AHI1: variants seen among roughly 807,000 people sequenced by gnomAD.
AHI1 encodes Abelson helper integration site 1, also known as jouberin.
Under a neutral mutation model 149.3 loss-of-function variants are expected in AHI1, and 123 were observed. The observed-to-expected ratio is 0.82, with a 90% CI of 0.71 to 0.96. The LOEUF (loss-of-function observed/expected upper bound fraction) is 0.96. AHI1 is among the 40% of genes least tolerant of loss of function. The pLI, the probability that AHI1 is intolerant of heterozygous loss-of-function variation, is 0.00. For synonymous variants in AHI1, 475 were observed against 459.8 expected, an observed-to-expected ratio of 1.03 and a Z score of -0.42; for missense variants, 1,439 against 1,422.7, an observed-to-expected ratio of 1.01 and a Z score of -0.18.
chr6:135,368,380 A>C (rs1400888018), intron 23 of AHI1, among the ~76,000 whole-genome samples: 1 of 152,090 alleles, frequency 6.6e-6, no homozygotes, highest in African/African-American at 2.4e-5. Context: ...GGGAGGGTAC[A>C]AGCTTGCCCT....
rs551561107 is a variant in AHI1 at position 135,289,805 on chromosome 6, TA to T, written c.3588+617del. On this transcript the variant is annotated intron_variant, in intron 28 of 28. Transcript: ENST00000265602. ...TAGTTCCTACAAAATGACAAATTTA[TA>T]AATGTGGACATGAACAGCTTCGTAA... 1.2e-3 allele frequency among the ~76,000 whole-genome samples: 185 copies of T among 152,348 alleles called. 1 individual carries two copies. Among genetic ancestry groups the T allele is most frequent in the African/African-American group, 4.3e-3 (178 of 41,574 alleles).
At position 135,372,021 on chromosome 6, in the gene AHI1, CATA is replaced by C. The variant is rs201621188; in HGVS notation, c.3110-13837_3110-13835del. On this transcript the variant is annotated intron_variant, in intron 23 of 28. Coordinates refer to ENST00000265602, the MANE Select transcript of AHI1 (RefSeq NM_001134831.2). ...TAAGGGCCTAGCAGATCCTATGAAT[CATA>C]ATAACCCTAAAAAGGGTCTATACAC... Among the ~76,000 whole-genome samples, 1,417 of 152,294 alleles carry C rather than the reference CATA, an allele frequency of 9.3e-3. 18 individuals carry two copies. The highest frequency in any genetic ancestry group is 0.032 in the African/African-American group (1,322 of 41,558).
At chr6:135,340,672 T>TATATACACATACATAC (rs1554283255) in intron 24 of AHI1, among the ~76,000 whole-genome samples, 10 of 131,478 alleles carry the variant, frequency 7.6e-5, no homozygotes, top group African/African-American at 2.9e-4. Context: ...TATATATATA[T>TATATACACATACATAC]ATATATATAT....
intron 26 of AHI1, among the ~76,000 whole-genome samples, chr6:135,315,579 C>A (rs968277636): frequency 2.6e-5 from 4 of 152,152 alleles, no homozygotes; most frequent in African/African-American, 9.7e-5. Context: ...TAAACCAAAT[C>A]TGCCTTCTCT....
chr6:135,416,281 A>G (rs1782366492), intron 20 of AHI1, among the ~76,000 whole-genome samples: 1 of 152,106 alleles, frequency 6.6e-6, no homozygotes, highest in South Asian at 2.1e-4. Flanking sequence ...ACCATTAAAG[A>G]AAATTCACAA....
At chr6:135,451,131 G>A (rs1788029714) in intron 11 of AHI1, among the ~76,000 whole-genome samples, 1 of 151,902 alleles carries the variant, frequency 6.6e-6, no homozygotes, top group African/African-American at 2.4e-5. Context: ...CGAGTAGCTG[G>A]GATTACAGGT....
intron 27 of AHI1, among the ~76,000 whole-genome samples, chr6:135,293,514 C>T (rs372206016): frequency 1.2e-4 from 18 of 147,928 alleles, no homozygotes; most frequent in East Asian, 3.9e-4. Flanking sequence ...CAGAATATCT[C>T]GTGGAATCCA....
At chr6:135,351,195 G>A (rs1214155636) in intron 24 of AHI1, among the ~76,000 whole-genome samples, 1 of 151,532 alleles carries the variant, frequency 6.6e-6, no homozygotes, top group African/African-American at 2.4e-5. Context: ...AGCTGTGGGA[G>A]GCAACATTCA....
Position 135,285,610 on chromosome 6 carries a change from T to G in AHI1, c.*35A>C. The G allele has an allele frequency of 6.2e-7, 1 of 1,605,628 alleles. No individual in the cohort carries two copies. Among genetic ancestry groups the G allele is most frequent in the Non-Finnish European group, 8.5e-7 (1 of 1,174,468 alleles). ...ATTTGGTTTGTCATTTTCACCTCTGTGCATTTCGGCAGCTCTTAACTTTTC... is the reference window on the plus strand; with the variant it reads ...ATTTGGTTTGTCATTTTCACCTCTGGGCATTTCGGCAGCTCTTAACTTTTC... On this transcript the variant is annotated 3_prime_UTR_variant, in exon 29 of 29. Transcript: ENST00000265602.
At chr6:135,486,880 A>G (rs2128129783) in intron 5 of AHI1, among the ~76,000 whole-genome samples, 1 of 152,076 alleles carries the variant, frequency 6.6e-6, no homozygotes, top group Non-Finnish European at 1.5e-5. Flanking sequence ...CAATCCTCCC[A>G]CCTCAGCCTC....
At chr6:135,389,579 A>G (rs1447160495) in intron 23 of AHI1, among the ~76,000 whole-genome samples, 1 of 152,230 alleles carries the variant, frequency 6.6e-6, no homozygotes, top group East Asian at 1.9e-4. Flanking sequence ...ATAGTTTTAA[A>G]AAATCATGTC....
At chr6:135,417,584 A>C (rs1299392371) in intron 20 of AHI1, among the ~76,000 whole-genome samples, 1 of 152,044 alleles carries the variant, frequency 6.6e-6, no homozygotes, top group Admixed American at 6.6e-5. Context: ...CGGAAGGATT[A>C]AAATGGCCCA....
rs144038243 is a variant in AHI1, at chr6:135,486,776, T to C, written c.135+3847A>G. Among the ~76,000 whole-genome samples, 438 of 152,240 alleles carry C rather than the reference T, an allele frequency of 2.9e-3. 7 individuals are homozygous for C. Among genetic ancestry groups the C allele is most frequent in the Middle Eastern group, 0.014 (4 of 294 alleles). Reference sequence around the variant, plus strand: ...GATATTTTATTTTATTTATTATTAGTATTATTTTTGAGATAGGATCTCCCT... The same window carrying C: ...GATATTTTATTTTATTTATTATTAGCATTATTTTTGAGATAGGATCTCCCT... On this transcript the variant is annotated intron_variant, in intron 5 of 28. Transcript: ENST00000265602.
intron 23 of AHI1, among the ~76,000 whole-genome samples, chr6:135,364,906 G>T (rs1216631124): frequency 6.6e-6 from 1 of 150,936 alleles, no homozygotes; most frequent in Non-Finnish European, 1.5e-5. Flanking sequence ...GGGAGACCGT[G>T]GGGAGAGGAA....
At chr6:135,322,988 A>AAAGG (rs1253077744) in intron 25 of AHI1, among the ~76,000 whole-genome samples, 174 bp downstream of exon 25, 3 of 152,226 alleles carry the variant, frequency 2.0e-5, no homozygotes, top group Admixed American at 2.0e-4. Flanking sequence ...GCAGCTTCTA[A>AAAGG]TGTACTAGTG....
chr6:135,306,444 A>G (rs908906396), intron 26 of AHI1, among the ~76,000 whole-genome samples: 2 of 152,230 alleles, frequency 1.3e-5, no homozygotes, highest in Middle Eastern at 3.2e-3. Flanking sequence ...GACCAAGTCA[A>G]CTTGGAGTAA....
intron 9 of AHI1, among the ~76,000 whole-genome samples, 189 bp from the exon 10 acceptor site, chr6:135,456,115 A>G (rs936868672): frequency 7.9e-5 from 12 of 152,216 alleles, no homozygotes; most frequent in Admixed American, 7.2e-4. Flanking sequence ...AGTCCATCTT[A>G]TATTTGTCTA....
At chr6:135,300,152 C>G (rs1394695723) in intron 27 of AHI1, among the ~76,000 whole-genome samples, 1 of 151,916 alleles carries the variant, frequency 6.6e-6, no homozygotes, top group Non-Finnish European at 1.5e-5. Flanking sequence ...TGGTGAAACC[C>G]TGTCTCTACT....
chr6:135,309,028 G>A (rs1485671350), intron 26 of AHI1, among the ~76,000 whole-genome samples: 1 of 152,222 alleles, frequency 6.6e-6, no homozygotes, highest in Non-Finnish European at 1.5e-5. Flanking sequence ...GACACAGTAG[G>A]GGCTGAGGTA....
Sources: allele counts gnomAD v4.1 joint callset (sites outside exome capture counted in the v4.1 genomes callset), GRCh38; gene constraint gnomAD v4.1.1; transcripts MANE v1.5; gene names NCBI Gene and HGNC (gene_info 2026-07-23, HGNC 2026-07-21).